PLEKHA5: variants seen among roughly 807,000 people sequenced by gnomAD.
PLEKHA5 encodes pleckstrin homology domain containing A5.
In PLEKHA5, 55 loss-of-function variants were observed where a neutral mutation model predicts 181.9. The observed-to-expected ratio is 0.30, with a 90% CI of 0.24 to 0.38. The LOEUF (loss-of-function observed/expected upper bound fraction) is 0.38, where lower values mean the gene tolerates loss of function less well. Among genes scored for constraint, PLEKHA5 ranks in the 10% least tolerant of loss-of-function variants. The pLI, the probability that PLEKHA5 is intolerant of heterozygous loss-of-function variation, is 1.00. For missense variants in PLEKHA5, 1,432 were observed against 1,549.5 expected, an observed-to-expected ratio of 0.92 and a Z score of 1.27; for synonymous variants, 535 against 529.4, an observed-to-expected ratio of 1.01 and a Z score of -0.15.
intron 3 of PLEKHA5, among the ~76,000 whole-genome samples, chr12:19,248,140 A>G (rs2064263175): frequency 1.3e-5 from 2 of 152,134 alleles, no homozygotes; most frequent in South Asian, 2.1e-4. Flanking sequence ...AGAGGACTGC[A>G]TGAACTTGGG....
intron 25 of PLEKHA5, among the ~76,000 whole-genome samples, chr12:19,350,361 G>A (rs963131037): frequency 6.6e-6 from 1 of 152,180 alleles, no homozygotes. Flanking sequence ...TTTATGCAGA[G>A]ATAATGTAAG....
chr12:19,235,101 G>A (rs57986592), intron 3 of PLEKHA5, among the ~76,000 whole-genome samples: 13,509 of 152,032 alleles, frequency 0.089, 895 homozygotes, highest in African/African-American at 0.19. Context: ...AAAATGAGAA[G>A]GATCATGAAT....
intron 3 of PLEKHA5, among the ~76,000 whole-genome samples, chr12:19,250,618 G>C (rs1204018403): frequency 6.6e-6 from 1 of 151,804 alleles, no homozygotes; most frequent in Non-Finnish European, 1.5e-5. Context: ...AAAAAATAAA[G>C]ACTTGAATTT....
At chr12:19,205,483 G>A (rs185097692) in intron 3 of PLEKHA5, 11 of 492,946 alleles carry the variant, frequency 2.2e-5, no homozygotes, top group Middle Eastern at 1.1e-3. Flanking sequence ...TGCTCTAATC[G>A]GTCAGTTATT....
intron 29 of PLEKHA5, among the ~76,000 whole-genome samples, chr12:19,362,365 C>G (rs780430780): frequency 1.9e-4 from 29 of 151,758 alleles, no homozygotes; most frequent in Non-Finnish European, 4.0e-4. Flanking sequence ...AAAACCCTGT[C>G]TCTACTAAAA....
At chr12:19,364,572 A>G (rs1190474729) in intron 29 of PLEKHA5, among the ~76,000 whole-genome samples, 4 of 152,100 alleles carry the variant, frequency 2.6e-5, no homozygotes, top group Admixed American at 6.6e-5. Context: ...GATTTGAACA[A>G]TATTCCTCAG....
intron 3 of PLEKHA5, among the ~76,000 whole-genome samples, chr12:19,229,537 G>C (rs547158344): frequency 6.6e-6 from 1 of 151,946 alleles, no homozygotes; most frequent in Non-Finnish European, 1.5e-5. Context: ...CATTCCTCCC[G>C]GTGGGTTTGT....
intron 29 of PLEKHA5, among the ~76,000 whole-genome samples, chr12:19,362,726 C>G (rs1022916962): frequency 6.6e-6 from 1 of 151,928 alleles, no homozygotes; most frequent in African/African-American, 2.4e-5. Context: ...CGTTACTACA[C>G]TCCAGCCTCG....
chr12:19,200,614 A>G (rs976832220), intron 3 of PLEKHA5: 5 of 1,134,632 alleles, frequency 4.4e-6, no homozygotes, highest in East Asian at 4.3e-5. Context: ...CCTGAACTTC[A>G]TTAGCTTTTT....
chr12:19,291,743 T>A (rs1487804601), intron 15 of PLEKHA5, 46 bp downstream of exon 15: 1 of 1,005,370 alleles, frequency 9.9e-7, no homozygotes, highest in Non-Finnish European at 1.5e-6. Context: ...TAATAGAACT[T>A]CTTAAATATA....
chr12:19,227,493 A>T (rs2059865647), intron 3 of PLEKHA5, among the ~76,000 whole-genome samples: 1 of 152,140 alleles, frequency 6.6e-6, no homozygotes, highest in Non-Finnish European at 1.5e-5. Flanking sequence ...CCAGGGTTGG[A>T]ATCAGAGTTC....
At chr12:19,359,654 T>C in intron 28 of PLEKHA5, 108 bp downstream of exon 28, 2 of 1,104,966 alleles carry the variant, frequency 1.8e-6, no homozygotes, top group East Asian at 2.5e-5. Context: ...ACAGAGTCCA[T>C]AGAGCTAAAT....
In PLEKHA5 at chr12:19,361,592, C is replaced by T; in HGVS notation, c.3494C>T (p.Thr1165Ile). The T allele has an allele frequency of 6.8e-7, 1 of 1,480,334 alleles. No individual in the cohort carries two copies. The highest frequency in any genetic ancestry group is 9.3e-7 in the Non-Finnish European group (1 of 1,077,312). The allele number at this position is 1,480,334 out of a possible 1,614,324, so 91.7% of individuals were successfully genotyped here. ...CTTTTTATTCTACAGTTAAAAAAAA[C>T]TGAAAACATTTCATATGAAATGCTT... is the stretch of plus-strand genomic sequence containing the variant. Reference protein sequence around the residue: ...NVDFSKELKKTENISYEMLFE... With the variant: ...NVDFSKELKKIENISYEMLFE... Residue 1165 changes from threonine to isoleucine, a missense_variant, in exon 29 of 32, where the codon ACT becomes ATT. Around this residue, in one of 2 missense-constraint regions of PLEKHA5, gnomAD observed 1,143 missense variants for 1,168.4 expected, o/e 0.98. Transcript: ENST00000429027.
intron 13 of PLEKHA5, among the ~76,000 whole-genome samples, chr12:19,288,559 TTCTC>T (rs1343227500): frequency 6.6e-6 from 1 of 152,232 alleles, no homozygotes; most frequent in African/African-American, 2.4e-5. Flanking sequence ...TTATTTAAAA[TTCTC>T]TTCCTGCAGT....
chr12:19,223,873 G>A (rs1285939036), intron 3 of PLEKHA5, among the ~76,000 whole-genome samples: 1 of 152,128 alleles, frequency 6.6e-6, no homozygotes, highest in Admixed American at 6.5e-5. Context: ...TTGGCTTCCA[G>A]GATAGCCAGG....
intron 3 of PLEKHA5, among the ~76,000 whole-genome samples, chr12:19,238,759 T>C (rs1737149242): frequency 6.8e-6 from 1 of 147,322 alleles, no homozygotes; most frequent in African/African-American, 2.5e-5. Flanking sequence ...AGAGAAACTA[T>C]TTCAACTTTT....
intron 21 of PLEKHA5, among the ~76,000 whole-genome samples, chr12:19,339,375 C>T (rs148274264): frequency 1.3e-5 from 2 of 152,130 alleles, no homozygotes; most frequent in African/African-American, 4.8e-5. Context: ...TTGTTCTTAA[C>T]TCACAGGCCA....
At chr12:19,258,348 C>T (rs1021998554) in intron 6 of PLEKHA5, among the ~76,000 whole-genome samples, 3 of 152,004 alleles carry the variant, frequency 2.0e-5, no homozygotes, top group Admixed American at 6.6e-5. Flanking sequence ...ATTCTATATA[C>T]GTACAGATGA....
intron 3 of PLEKHA5, among the ~76,000 whole-genome samples, chr12:19,227,286 CTT>C (rs79530115): frequency 2.5e-4 from 33 of 131,342 alleles, no homozygotes; most frequent in South Asian, 4.9e-4. Flanking sequence ...CTAGTGATTT[CTT>C]TTTTTTTTTT....
Sources: gnomAD v4.1 joint callset for allele counts (sites outside exome capture counted in the v4.1 genomes callset) on GRCh38, gnomAD v4.1.1 for gene constraint, gnomAD v4.1.1 regional missense constraint, MANE v1.5 for transcripts, NCBI Gene and HGNC (gene_info 2026-07-23, HGNC 2026-07-21) for gene names.